Variants in CPQ observed in about 807,000 individuals in gnomAD.
CPQ encodes Ser-Met dipeptidase.
In CPQ, 37 loss-of-function variants were observed where a neutral mutation model predicts 45.7. The ratio of observed to expected loss-of-function variants is 0.81; its 90% CI spans 0.62 to 1.07. The LOEUF (loss-of-function observed/expected upper bound fraction) is 1.07, where lower values mean the gene tolerates loss of function less well. CPQ is among the 50% of genes least tolerant of loss of function. The pLI is 0.00. For missense variants in CPQ, 537 were observed against 572.9 expected, an observed-to-expected ratio of 0.94 and a Z score of 0.64; for synonymous variants, 186 against 205.8, an observed-to-expected ratio of 0.90 and a Z score of 0.82.
chr8:96,652,426 C>A (rs1815586842), intron 1 of CPQ, among the ~76,000 whole-genome samples: 1 of 152,184 alleles, frequency 6.6e-6, no homozygotes, highest in African/African-American at 2.4e-5. Flanking sequence ...AATAGTGCTG[C>A]AGTGAACATG....
intron 6 of CPQ, among the ~76,000 whole-genome samples, chr8:97,045,488 C>T (rs533945817): frequency 6.6e-6 from 1 of 152,198 alleles, no homozygotes; most frequent in East Asian, 1.9e-4. Context: ...CGACGCACTG[C>T]ACCCACTGTC....
At chr8:96,897,595 T>G (rs1285018797) in intron 4 of CPQ, among the ~76,000 whole-genome samples, 2 of 152,202 alleles carry the variant, frequency 1.3e-5, no homozygotes, top group Admixed American at 6.5e-5. Context: ...AATTAAAAAT[T>G]TGTATGAAAT....
chr8:96,917,629 G>C lies in CPQ; in HGVS notation c.849+37624G>C, dbSNP rs150362962. ...GTGTTAGTTATGCTCATTACACCTA[G>C]AGTGTCATTGCTTCTAGGTCTTCTC... is the stretch of plus-strand genomic sequence containing the variant. On this transcript the variant is annotated intron_variant, in intron 4 of 7. Coordinates refer to ENST00000220763, the MANE Select transcript of CPQ (RefSeq NM_016134.4). Among the ~76,000 whole-genome samples, 592 of 152,230 alleles carry C rather than the reference G, an allele frequency of 3.9e-3. 4 individuals are homozygous for C. Among genetic ancestry groups the C allele is most frequent in the African/African-American group, 0.013 (558 of 41,538 alleles).
chr8:96,837,436 C>T (rs1811544679), intron 3 of CPQ, among the ~76,000 whole-genome samples: 1 of 152,166 alleles, frequency 6.6e-6, no homozygotes, highest in Non-Finnish European at 1.5e-5. Context: ...GCACTTGCCT[C>T]CATCAACTGC....
At position 97,070,066 on chromosome 8, in the gene CPQ, G is replaced by T. The variant is rs140250462; in HGVS notation, c.1255+3856G>T. Among the ~76,000 whole-genome samples, 25 of 152,220 alleles carry T rather than the reference G, an allele frequency of 1.6e-4. No homozygotes were observed. The East Asian group carries it at 4.8e-3, about 29-fold the overall frequency. On this transcript the variant is annotated intron_variant, in intron 7 of 7. Coordinates refer to ENST00000220763, the MANE Select transcript of CPQ (RefSeq NM_016134.4). The stretch of plus-strand genomic sequence containing the variant: ...TTAATATAAGGCTTTGGGGAAAAAA[G>T]ATTTTCTTTAAAAGTATCTTGGATG...
chr8:96,904,891 C>T (rs1452336434), intron 4 of CPQ, among the ~76,000 whole-genome samples: 1 of 151,994 alleles, frequency 6.6e-6, no homozygotes, highest in Non-Finnish European at 1.5e-5. Flanking sequence ...ATACAGCAGC[C>T]CTGTATGAGC....
At chr8:96,793,514 A>G (rs1005543324) in intron 2 of CPQ, among the ~76,000 whole-genome samples, 1 of 152,184 alleles carries the variant, frequency 6.6e-6, no homozygotes, top group Admixed American at 6.5e-5. Context: ...CCTTCCCACA[A>G]CATGTGGAAA....
chr8:96,781,795 T>C (rs1380226806), intron 1 of CPQ, among the ~76,000 whole-genome samples: 1 of 152,166 alleles, frequency 6.6e-6, no homozygotes, highest in Non-Finnish European at 1.5e-5. Flanking sequence ...GTTATCTATT[T>C]CCACAATACA....
At position 96,931,372 on chromosome 8, in the gene CPQ, T is replaced by C. The variant is rs150742116; in HGVS notation, c.850-34563T>C. ...AATGAAGTTTTGGTCCTATAGTTCA[T>C]AGTGGCCCCAGAAAAAATTGCCTTA... On this transcript the variant is annotated intron_variant, in intron 4 of 7. Transcript: ENST00000220763. Among the ~76,000 whole-genome samples the C allele has an allele frequency of 2.6e-3, 392 of 152,332 alleles. 1 individual carries two copies. The highest frequency in any genetic ancestry group is 8.6e-3 in the African/African-American group (358 of 41,570).
chr8:96,712,459 G>T (rs958123329), intron 1 of CPQ, among the ~76,000 whole-genome samples: 1 of 152,280 alleles, frequency 6.6e-6, no homozygotes, highest in African/African-American at 2.4e-5. Context: ...GCAAACGTCT[G>T]CCTGGATATC....
chr8:96,959,988 G>A lies in CPQ; in HGVS notation c.850-5947G>A, dbSNP rs558093899. 5.3e-5 allele frequency among the ~76,000 whole-genome samples: 8 copies of A among 151,176 alleles called. No individual in the cohort carries two copies. In the South Asian group the frequency reaches 1.7e-3, roughly 32 times the overall value. On this transcript the variant is annotated intron_variant, in intron 4 of 7. Transcript: ENST00000220763. ...TAAAATGAAGCATACTTTATTGTCA[G>A]ATGGGCCTGTTGTTTACTGACAATT...
At chr8:96,790,983 T>A (rs530172906) in intron 2 of CPQ, among the ~76,000 whole-genome samples, 2 of 152,244 alleles carry the variant, frequency 1.3e-5, no homozygotes, top group African/African-American at 2.4e-5. Context: ...TTAGCTTGGG[T>A]TCTATAGTGT....
At chr8:97,039,096 G>A (rs993682002) in intron 6 of CPQ, among the ~76,000 whole-genome samples, 4 of 152,146 alleles carry the variant, frequency 2.6e-5, no homozygotes, top group Non-Finnish European at 5.9e-5. Context: ...GGCCAACAGA[G>A]GCCAACAGAA....
At chr8:96,756,385 T>A (rs144478608) in intron 1 of CPQ, among the ~76,000 whole-genome samples, 121 of 152,268 alleles carry the variant, frequency 7.9e-4, no homozygotes, top group African/African-American at 2.8e-3. Flanking sequence ...TATCACTTTA[T>A]GTGGGGAATG....
chr8:96,813,834 A>G (rs1811188703), intron 2 of CPQ, among the ~76,000 whole-genome samples: 1 of 152,118 alleles, frequency 6.6e-6, no homozygotes, highest in South Asian at 2.1e-4. Flanking sequence ...GGCAGAGCCT[A>G]TAGGCTTTTA....
chr8:96,873,833 G>A lies in CPQ; in HGVS notation c.642-5965G>A, dbSNP rs1192674082. Among the ~76,000 whole-genome samples, 12 of 151,888 alleles carry A rather than the reference G, an allele frequency of 7.9e-5. No individual in the cohort carries two copies. In the East Asian group the frequency reaches 2.3e-3, roughly 29 times the overall value. On this transcript the variant is annotated intron_variant, in intron 3 of 7. Transcript: ENST00000220763. ...CTCTTGTTGGATATTTAACCTATAA[G>A]CTGACACTCACTTTCAAGGATTGAT...
At chr8:97,121,046 T>C (rs1213455556) in intron 7 of CPQ, among the ~76,000 whole-genome samples, 1 of 152,230 alleles carries the variant, frequency 6.6e-6, no homozygotes, top group Non-Finnish European at 1.5e-5. Flanking sequence ...CTACCTCATG[T>C]CACAAGCTGC....
chr8:97,037,790 T>C (rs1326462003), intron 6 of CPQ, among the ~76,000 whole-genome samples: 2 of 152,192 alleles, frequency 1.3e-5, no homozygotes, highest in Non-Finnish European at 2.9e-5. Flanking sequence ...CTTATGTACA[T>C]ATGGTAATTA....
At chr8:96,662,138 C>T (rs1244726172) in intron 1 of CPQ, among the ~76,000 whole-genome samples, 1 of 152,012 alleles carries the variant, frequency 6.6e-6, no homozygotes, top group African/African-American at 2.4e-5. Context: ...TGTTTGTTTT[C>T]TTGTTGCTGA....
Sources: gnomAD v4.1 joint callset for allele counts (sites outside exome capture counted in the v4.1 genomes callset) on GRCh38, gnomAD v4.1.1 for gene constraint, MANE v1.5 for transcripts, NCBI Gene and HGNC (gene_info 2026-07-23, HGNC 2026-07-21) for gene names.